The following RELL1 variants were observed in gnomAD, a reference collection of about 807,000 sequenced individuals.
RELL1 encodes the protein RELT like 1.
A neutral mutation model predicts 23.0 loss-of-function variants in RELL1; 10 were observed. That is an observed-to-expected ratio of 0.43 (90% CI 0.27 to 0.74). The LOEUF is 0.74. RELL1 is among the 30% of genes least tolerant of loss of function. The probability of loss-of-function intolerance (pLI) is 0.19; values close to 1 mark genes in which losing one functional copy is unlikely to be tolerated. For synonymous variants in RELL1, 146 were observed against 146.8 expected, an observed-to-expected ratio of 0.99 and a Z score of 0.04; for missense variants, 315 against 364.4, an observed-to-expected ratio of 0.86 and a Z score of 1.10.
chr4:37,677,790 G>A (rs911552590), intron 1 of RELL1, among the ~76,000 whole-genome samples: 2 of 152,134 alleles, frequency 1.3e-5, no homozygotes, highest in African/African-American at 2.4e-5. Context: ...AGCCAACATG[G>A]TGAAACCCAG....
At chr4:37,653,774 T>C (rs1019308574) in intron 1 of RELL1, among the ~76,000 whole-genome samples, 3 of 152,216 alleles carry the variant, frequency 2.0e-5, no homozygotes, top group African/African-American at 7.2e-5. Flanking sequence ...TTCCACTTCC[T>C]GTTTCTTGGG....
At chr4:37,603,258 C>T (rs1403242475) in intron 6 of RELL1, among the ~76,000 whole-genome samples, 2 of 152,154 alleles carry the variant, frequency 1.3e-5, no homozygotes, top group East Asian at 3.9e-4. Flanking sequence ...CGTGGGCAGC[C>T]ACACCACCCC....
chr4:37,601,705 G>T (rs1334542105), intron 6 of RELL1, among the ~76,000 whole-genome samples: 1 of 152,244 alleles, frequency 6.6e-6, no homozygotes, highest in Non-Finnish European at 1.5e-5. Flanking sequence ...CAGCTGCAGG[G>T]CTGGATGCCA....
At chr4:37,617,919 A>T (rs1719627429) in intron 6 of RELL1, among the ~76,000 whole-genome samples, 1 of 152,224 alleles carries the variant, frequency 6.6e-6, no homozygotes, top group South Asian at 2.1e-4. Flanking sequence ...TGAATGCCAT[A>T]TTATCACACC....
chr4:37,599,972 T>C (rs563181995), intron 6 of RELL1, among the ~76,000 whole-genome samples: 1 of 152,238 alleles, frequency 6.6e-6, no homozygotes, highest in South Asian at 2.1e-4. Context: ...AAACAATAAA[T>C]GTTAGATGTA....
At chr4:37,644,093 C>G (rs544816476) in intron 3 of RELL1, among the ~76,000 whole-genome samples, 2 of 152,004 alleles carry the variant, frequency 1.3e-5, no homozygotes, top group Admixed American at 6.6e-5. Context: ...ATGGCACCTC[C>G]GGTATTGACT....
At chr4:37,664,348 C>G (rs6531567) in intron 1 of RELL1, among the ~76,000 whole-genome samples, 20,167 of 150,396 alleles carry the variant, frequency 0.13, 2,703 homozygotes, top group African/African-American at 0.34. Flanking sequence ...GATCCCATCA[C>G]TGTGACAGAG....
intron 6 of RELL1, chr4:37,623,391 TC>T (rs1719835725): frequency 6.5e-6 from 1 of 154,478 alleles, no homozygotes; most frequent in Non-Finnish European, 1.4e-5. Flanking sequence ...AAAGCAAAGC[TC>T]CCTCACACTC....
intron 1 of RELL1, among the ~76,000 whole-genome samples, chr4:37,658,047 C>T (rs2109293912): frequency 6.6e-6 from 1 of 152,256 alleles, no homozygotes. Context: ...AGTTCAAAGC[C>T]AGCCTAAGGA....
chr4:37,605,840 A>G (rs1395400898), downstream of RELL1, among the ~76,000 whole-genome samples: 1 of 120,674 alleles, frequency 8.3e-6, no homozygotes, highest in Non-Finnish European at 2.0e-5. Context: ...AGAAAGAAAG[A>G]AAGAAGGAAA....
chr4:37,586,979 G>C (rs1351899290), downstream of RELL1, among the ~76,000 whole-genome samples: 1 of 152,160 alleles, frequency 6.6e-6, no homozygotes, highest in Non-Finnish European at 1.5e-5. Context: ...CCAGAAGTCT[G>C]AAATTGGTAT....
At chr4:37,620,295 T>C (rs1719722961) in intron 6 of RELL1, among the ~76,000 whole-genome samples, 2 of 152,234 alleles carry the variant, frequency 1.3e-5, no homozygotes, top group Admixed American at 1.3e-4. Flanking sequence ...AGATCTGAAG[T>C]CTGAAGGTTG....
chr4:37,633,765 T>C (rs1720221982), intron 5 of RELL1, among the ~76,000 whole-genome samples: 3 of 151,706 alleles, frequency 2.0e-5, no homozygotes, highest in African/African-American at 7.3e-5. Context: ...TCACCTCACC[T>C]AGTCTACACA....
At chr4:37,679,679 G>C (rs1722138610) in intron 1 of RELL1, among the ~76,000 whole-genome samples, 1 of 152,190 alleles carries the variant, frequency 6.6e-6, no homozygotes, top group Non-Finnish European at 1.5e-5. Context: ...ATTAGGCTGG[G>C]TGTGGTGGTG....
At chr4:37,588,483 G>A (rs762061470), downstream of RELL1, 14 of 174,386 alleles carry the variant, frequency 8.0e-5, no homozygotes, top group Non-Finnish European at 1.5e-4. Flanking sequence ...GCCCTGGTGA[G>A]GTTCCTGTGT....
chr4:37,686,048 C>T, intron 1 of RELL1, 152 bp downstream of exon 1: 1 of 662,120 alleles, frequency 1.5e-6, no homozygotes, highest in Non-Finnish European at 2.5e-6. Flanking sequence ...CTGCCCGGAC[C>T]GCCGCGGGAC....
chr4:37,656,118 T>C (rs1185856506), intron 1 of RELL1, among the ~76,000 whole-genome samples: 1 of 152,180 alleles, frequency 6.6e-6, no homozygotes, highest in African/African-American at 2.4e-5. Context: ...TTCCCATCGA[T>C]AGACAAAGGG....
chr4:37,626,878 G>C, intron 6 of RELL1, among the ~76,000 whole-genome samples: 1 of 151,974 alleles, frequency 6.6e-6, no homozygotes, highest in East Asian at 1.9e-4. Flanking sequence ...TTAGAGGTAG[G>C]GGCGGGGGAG....
chr4:37,649,237 G>A, intron 2 of RELL1, 39 bp downstream of exon 2: 1 of 1,495,980 alleles, frequency 6.7e-7, no homozygotes, highest in Non-Finnish European at 9.2e-7. Flanking sequence ...TTTAAAAACT[G>A]TCTCCTCACC....
Sources: allele counts gnomAD v4.1 joint callset (sites outside exome capture counted in the v4.1 genomes callset), GRCh38; gene constraint gnomAD v4.1.1; transcripts MANE v1.5; gene names NCBI Gene and HGNC (gene_info 2026-07-23, HGNC 2026-07-21).